Variants in COL4A4 observed in about 807,000 individuals in gnomAD.
COL4A4 encodes collagen alpha-4(IV) chain.
COL4A4 carries 105 observed loss-of-function variants against 192.9 expected under a neutral mutation model. The observed-to-expected ratio is 0.54, with a 90% confidence interval of 0.46 to 0.64. COL4A4 has a LOEUF of 0.64. COL4A4 is among the 30% of genes least tolerant of loss of function. The pLI is 0.00. For missense variants in COL4A4, 1,967 were observed against 2,169.3 expected (o/e 0.91, Z 1.85); for synonymous variants, 762 against 769.9 (o/e 0.99, Z 0.17).
In COL4A4 at chr2:227,088,821, A is replaced by G. The variant is rs1223219769; in HGVS notation, c.1460-5T>C. ...AGGCACAGAGTCCTTCATTTCCTAG[A>G]CAGAGGATCAATGGCAGATTTGTCA... On this transcript the variant is annotated splice_polypyrimidine_tract_variant and splice_region_variant and intron_variant, in intron 21 of 47. Coordinates refer to ENST00000396625, the MANE Select transcript of COL4A4 (RefSeq NM_000092.5). 6.2e-7 allele frequency: 1 copy of G among 1,614,042 alleles called. No homozygotes were observed. Among genetic ancestry groups the G allele is most frequent in the Non-Finnish European group, 8.5e-7 (1 of 1,179,968 alleles).
chr2:227,069,288 C>G (rs1387979371), intron 25 of COL4A4, among the ~76,000 whole-genome samples: 1 of 151,954 alleles, frequency 6.6e-6, no homozygotes, highest in Non-Finnish European at 1.5e-5. Flanking sequence ...AATGGCCATA[C>G]TGCCCAAGGC....
chr2:227,116,540 G>A (rs1221601433), intron 7 of COL4A4, among the ~76,000 whole-genome samples: 1 of 152,206 alleles, frequency 6.6e-6, no homozygotes, highest in East Asian at 1.9e-4. Flanking sequence ...AAAATGGATA[G>A]TTGGAAGAGG....
At chr2:227,027,814 T>C in intron 42 of COL4A4, 88 bp downstream of exon 42, 1 of 927,090 alleles carries the variant, frequency 1.1e-6, no homozygotes, top group Non-Finnish European at 1.8e-6. Context: ...AAGAATGTGC[T>C]AGTAATTCAG....
intron 46 of COL4A4, among the ~76,000 whole-genome samples, chr2:227,009,167 G>A (rs770803521): frequency 2.0e-5 from 3 of 152,224 alleles, no homozygotes; most frequent in Non-Finnish European, 4.4e-5. Flanking sequence ...AGGGAGAAAT[G>A]CAGGGGATGT....
chr2:227,050,284 A>T (rs1973802023), intron 33 of COL4A4, among the ~76,000 whole-genome samples, 153 bp from the exon 34 acceptor site: 1 of 152,210 alleles, frequency 6.6e-6, no homozygotes, highest in Non-Finnish European at 1.5e-5. Flanking sequence ...CTCCCACTAC[A>T]TGTATCTAGT....
chr2:227,142,002 A>G (rs1305817530), intron 3 of COL4A4, among the ~76,000 whole-genome samples: 1 of 149,566 alleles, frequency 6.7e-6, no homozygotes, highest in Admixed American at 6.8e-5. Flanking sequence ...GTTTGTTATT[A>G]TTATTTCTTT....
the COL4A4 span, among the ~76,000 whole-genome samples, chr2:226,992,398 CGGCCAT>C: frequency 6.6e-6 from 1 of 152,200 alleles, no homozygotes; most frequent in Admixed American, 6.5e-5. Flanking sequence ...CAAAGCAATT[CGGCCAT>C]TCTTCAGAGA....
At chr2:227,062,636 A>C (rs1977423306) in intron 25 of COL4A4, 38 bp from the exon 26 acceptor site, 2 of 1,398,846 alleles carry the variant, frequency 1.4e-6, no homozygotes, top group East Asian at 4.6e-5. Context: ...CACATAACTG[A>C]TAGCCCAGTG....
Position 227,119,903 on chromosome 2 carries a change from C to T in COL4A4, c.364G>A (p.Gly122Ser), listed in dbSNP as rs1158707020. 6 of 1,583,454 alleles carry T rather than the reference C, an allele frequency of 3.8e-6. No homozygotes were observed. The highest frequency in any genetic ancestry group is 1.2e-5 in the South Asian group (1 of 84,166). The change falls in exon 6 of 48, where the codon GGC becomes AGC. Residue 122 changes from glycine to serine, a missense_variant. Gly to Ser is a moderately conservative substitution (Grantham distance 56). Transcript: ENST00000396625. ...AATTTAGGGATACTTACAGGTATGC[C>T]ATCTAAACCTGGAAATCCAGGAACA... Reference protein sequence around the residue: ...TGVPGFPGLDGIPGHPGPPGP... With the variant: ...TGVPGFPGLDSIPGHPGPPGP...
intron 29 of COL4A4, among the ~76,000 whole-genome samples, chr2:227,056,898 G>A (rs1427596334): frequency 2.6e-5 from 4 of 152,170 alleles, no homozygotes; most frequent in South Asian, 2.1e-4. Flanking sequence ...AGCCTCCTGA[G>A]CCATAAGAAA....
At position 227,057,484 on chromosome 2, in the gene COL4A4, C is replaced by T; in HGVS notation, c.2500G>A (p.Gly834Arg). ...PGHSCERGAP[G>R]IPGQPGLPGY... is the part of the protein sequence containing the mutation. The stretch of plus-strand genomic sequence containing the variant: ...GGGAGTCCCGGTTGCCCTGGTATCC[C>T]TGGAGCACCTCTTTCACAGGAATGG... The change falls in exon 29 of 48, where the codon GGG becomes AGG. Residue 834 changes from glycine (G) to arginine (R), a missense_variant. Coordinates refer to ENST00000396625, the MANE Select transcript of COL4A4 (RefSeq NM_000092.5). 6.2e-7 allele frequency: 1 copy of T among 1,612,414 alleles called. No homozygotes were observed. Among genetic ancestry groups the T allele is most frequent in the East Asian group, 2.2e-5 (1 of 44,852 alleles).
chr2:227,045,876 A>G (rs1394445179), intron 35 of COL4A4, among the ~76,000 whole-genome samples: 3,101 of 103,732 alleles, frequency 0.03, 593 homozygotes, highest in South Asian at 0.05. Context: ...ATATATATAC[A>G]TATATATGTA....
chr2:227,002,634 C>T (rs1436154059), downstream of COL4A4: 1 of 152,522 alleles, frequency 6.6e-6, no homozygotes, highest in Non-Finnish European at 1.5e-5. Flanking sequence ...GTGTGAGCCA[C>T]ATTACAATGT....
chr2:226,990,042 A>G, the COL4A4 span, among the ~76,000 whole-genome samples: 3 of 152,356 alleles, frequency 2.0e-5, no homozygotes, highest in East Asian at 5.8e-4. Context: ...CAAAACTGAA[A>G]TTTCCATTTG....
chr2:227,007,619 C>G, intron 47 of COL4A4, 31 bp from the exon 48 acceptor site: 1 of 1,611,916 alleles, frequency 6.2e-7, no homozygotes, highest in South Asian at 1.1e-5. Context: ...AATTAGGGCT[C>G]AGACACACAC....
At chr2:227,106,770 T>C (rs1341713522) in intron 12 of COL4A4, among the ~76,000 whole-genome samples, 1 of 152,212 alleles carries the variant, frequency 6.6e-6, no homozygotes. Context: ...TTCGCCATGT[T>C]CGCCAGGCTG....
At chr2:227,099,511 A>C in intron 18 of COL4A4, 109 bp downstream of exon 18, 1 of 975,180 alleles carries the variant, frequency 1.0e-6, no homozygotes, top group Non-Finnish European at 1.7e-6. Flanking sequence ...TCGTGCATTC[A>C]GCCTGCCTAG....
chr2:227,103,620 T>C (rs1181539636), intron 13 of COL4A4, among the ~76,000 whole-genome samples: 1 of 152,180 alleles, frequency 6.6e-6, no homozygotes, highest in Non-Finnish European at 1.5e-5. Context: ...TTTGTTACCT[T>C]CTCAATTATC....
chr2:227,053,984 A>G (rs1291972823), intron 31 of COL4A4, among the ~76,000 whole-genome samples: 2 of 152,144 alleles, frequency 1.3e-5, no homozygotes, highest in Non-Finnish European at 2.9e-5. Flanking sequence ...TGTACAGCAC[A>G]TGAGATGCGA....
Sources: gnomAD v4.1 joint callset for allele counts (sites outside exome capture counted in the v4.1 genomes callset) on GRCh38, gnomAD v4.1.1 for gene constraint, MANE v1.5 for transcripts, NCBI Gene and HGNC (gene_info 2026-07-23, HGNC 2026-07-21) for gene names.